HS3ST4: variants seen among roughly 807,000 people sequenced by gnomAD.
HS3ST4 encodes heparan sulfate-glucosamine 3-sulfotransferase 4.
In HS3ST4, 17 loss-of-function variants were observed where a neutral mutation model predicts 29.2. That is an observed-to-expected ratio of 0.58 (90% CI 0.40 to 0.87). HS3ST4 has a LOEUF of 0.87. HS3ST4 is among the 40% of genes least tolerant of loss of function. HS3ST4 has a pLI of 0.00. For missense variants in HS3ST4, 627 were observed against 634.5 expected (o/e 0.99, Z 0.13); for synonymous variants, 314 against 285.7 (o/e 1.10, Z -1.00).
chr16:25,963,777 T>C (rs185334572), intron 1 of HS3ST4, among the ~76,000 whole-genome samples: 19 of 152,330 alleles, frequency 1.2e-4, no homozygotes, highest in Admixed American at 5.2e-4. Flanking sequence ...AATCTTGTGG[T>C]GAGAGGGGAC....
chr16:25,704,879 C>CAAA (rs775823722), intron 1 of HS3ST4, among the ~76,000 whole-genome samples: 9,331 of 122,308 alleles, frequency 0.076, 359 homozygotes, highest in Middle Eastern at 0.096. Context: ...AACTCCATCT[C>CAAA]AAAAAAAAAA....
intron 1 of HS3ST4, among the ~76,000 whole-genome samples, chr16:26,085,258 G>A (rs1019930595): frequency 1.8e-4 from 28 of 152,244 alleles, no homozygotes; most frequent in Middle Eastern, 3.4e-3. Context: ...CCCACTTCTC[G>A]GGATTGTGTA....
intron 1 of HS3ST4, among the ~76,000 whole-genome samples, chr16:26,082,868 A>C (rs1898740713): frequency 1.3e-5 from 2 of 152,248 alleles, no homozygotes; most frequent in African/African-American, 2.4e-5. Flanking sequence ...GAAACAAGAA[A>C]TAAACCTTTG....
intron 1 of HS3ST4, among the ~76,000 whole-genome samples, chr16:25,722,401 T>C (rs1048241465): frequency 1.3e-5 from 2 of 152,216 alleles, no homozygotes; most frequent in Non-Finnish European, 2.9e-5. Context: ...TTTATTTGTG[T>C]AGGTCCAATA....
intron 1 of HS3ST4, among the ~76,000 whole-genome samples, chr16:25,773,635 G>A (rs1350728778): frequency 2.0e-5 from 3 of 152,168 alleles, no homozygotes; most frequent in East Asian, 3.8e-4. Context: ...AAATGCTGGC[G>A]ATGCAGGAAA....
chr16:25,771,177 C>A (rs1432702643), intron 1 of HS3ST4, among the ~76,000 whole-genome samples: 7 of 152,090 alleles, frequency 4.6e-5, no homozygotes, highest in Non-Finnish European at 1.0e-4. Context: ...ATGTGATGTT[C>A]CCCTCCCTGT....
At chr16:25,906,069 G>A (rs1042627217) in intron 1 of HS3ST4, among the ~76,000 whole-genome samples, 1 of 152,154 alleles carries the variant, frequency 6.6e-6, no homozygotes, top group Non-Finnish European at 1.5e-5. Context: ...TTGAGTTGAC[G>A]TTGCAGCATG....
chr16:25,941,701 T>G lies in HS3ST4; in HGVS notation c.735-193911T>G, dbSNP rs577203182. Reference sequence around the variant, plus strand: ...ACGCCATTCTCCTGCCTCAGCCTCCTGAGTAGCTCAGATTACAGGCACACG... The same window carrying G: ...ACGCCATTCTCCTGCCTCAGCCTCCGGAGTAGCTCAGATTACAGGCACACG... On this transcript the variant is annotated intron_variant, in intron 1 of 1. Coordinates refer to ENST00000331351, the MANE Select transcript of HS3ST4 (RefSeq NM_006040.3). Among the ~76,000 whole-genome samples, 4 of 152,130 alleles carry G rather than the reference T, an allele frequency of 2.6e-5. No individual in the cohort carries two copies. In the East Asian group the frequency reaches 7.7e-4, roughly 29 times the overall value.
In HS3ST4 at chr16:26,136,363, T is replaced by A; in HGVS notation, c.*115T>A. On this transcript the variant is annotated 3_prime_UTR_variant, in exon 2 of 2. Transcript: ENST00000331351. ...CTGGAGTGCCAAGTAGATCTCCTCC[T>A]CCTTCATGCAGCCAGGATTGCCTCC... 1 of 986,318 alleles carries A rather than the reference T, an allele frequency of 1.0e-6. No homozygotes were observed. The highest frequency in any genetic ancestry group is 2.8e-5 in the Admixed American group (1 of 35,762). The allele number at this position is 986,318 out of a possible 1,614,324, so 61.1% of individuals were successfully genotyped here. A position where few individuals can be genotyped will look rare whatever the true frequency, so the allele number is the denominator to read the frequency against.
At chr16:26,007,239 C>G (rs112140408) in intron 1 of HS3ST4, among the ~76,000 whole-genome samples, 22 of 152,344 alleles carry the variant, frequency 1.4e-4, no homozygotes, top group African/African-American at 5.3e-4. Flanking sequence ...GTCTTCACCC[C>G]TCATTACTGT....
chr16:25,701,977 G>A (rs1251430323), intron 1 of HS3ST4, among the ~76,000 whole-genome samples: 5 of 152,196 alleles, frequency 3.3e-5, no homozygotes, highest in African/African-American at 1.2e-4. Context: ...ATCTATTTCT[G>A]ATTTTCAGAA....
At chr16:26,032,658 C>T in intron 1 of HS3ST4, 1 of 1,360,768 alleles carries the variant, frequency 7.3e-7, no homozygotes, top group Non-Finnish European at 1.0e-6. Flanking sequence ...CCTTTGGGTA[C>T]CTTCTCTCCC....
intron 1 of HS3ST4, among the ~76,000 whole-genome samples, chr16:25,786,391 TTGAGA>T (rs1966857725): frequency 6.6e-6 from 1 of 152,034 alleles, no homozygotes; most frequent in Admixed American, 6.6e-5. Context: ...CCTTAAAGGG[TTGAGA>T]GGATTAAGCA....
intron 1 of HS3ST4, among the ~76,000 whole-genome samples, chr16:25,782,668 G>A (rs972556959): frequency 1.3e-5 from 2 of 152,166 alleles, no homozygotes; most frequent in African/African-American, 4.8e-5. Context: ...CCTTACAGCT[G>A]CTTGGATAGC....
intron 1 of HS3ST4, among the ~76,000 whole-genome samples, chr16:25,725,680 A>C (rs1056850074): frequency 1.3e-5 from 2 of 151,290 alleles, no homozygotes; most frequent in African/African-American, 4.8e-5. Context: ...TAGAACTTAT[A>C]TATTGCAATT....
chr16:25,723,558 G>C (rs987184768), intron 1 of HS3ST4, among the ~76,000 whole-genome samples: 4 of 152,188 alleles, frequency 2.6e-5, no homozygotes, highest in Non-Finnish European at 5.9e-5. Flanking sequence ...AAAATCACAT[G>C]TGATCATTGA....
At chr16:26,029,754 A>C (rs1483165074) in intron 1 of HS3ST4, among the ~76,000 whole-genome samples, 1 of 152,154 alleles carries the variant, frequency 6.6e-6, no homozygotes, top group African/African-American at 2.4e-5. Flanking sequence ...GGGTTTATTG[A>C]AGCATCAGTT....
chr16:26,016,197 G>T (rs1289979711), intron 1 of HS3ST4, among the ~76,000 whole-genome samples: 1 of 152,166 alleles, frequency 6.6e-6, no homozygotes, highest in Non-Finnish European at 1.5e-5. Flanking sequence ...AACTAAGTGT[G>T]CTCTGATGAG....
intron 1 of HS3ST4, among the ~76,000 whole-genome samples, chr16:25,784,428 C>G (rs1459591890): frequency 2.6e-5 from 4 of 152,184 alleles, no homozygotes; most frequent in Non-Finnish European, 5.9e-5. Context: ...AACAATTAAC[C>G]AAGTTGTGAG....
Sources: gnomAD v4.1 joint callset for allele counts (sites outside exome capture counted in the v4.1 genomes callset) on GRCh38, gnomAD v4.1.1 for gene constraint, MANE v1.5 for transcripts, NCBI Gene and HGNC (gene_info 2026-07-23, HGNC 2026-07-21) for gene names.